TMEFF2: variants seen among roughly 807,000 people sequenced by gnomAD.
The protein encoded by TMEFF2 is transmembrane protein with EGF like and two follistatin like domains 2.
Under a neutral mutation model 53.8 loss-of-function variants are expected in TMEFF2, and 28 were observed. The observed-to-expected ratio is 0.52, with a 90% CI of 0.39 to 0.71. The LOEUF (loss-of-function observed/expected upper bound fraction) is 0.71. Among genes scored for constraint, TMEFF2 ranks in the 30% least tolerant of loss-of-function variants. The pLI is 0.00. For synonymous variants in TMEFF2, 162 were observed against 166.3 expected (o/e 0.97, Z 0.20); for missense variants, 353 against 455.2 (o/e 0.78, Z 2.04).
intron 7 of TMEFF2, among the ~76,000 whole-genome samples, chr2:191,957,867 C>T (rs760556959): frequency 1.8e-4 from 27 of 152,118 alleles, no homozygotes; most frequent in African/African-American, 3.1e-4. Context: ...ATTTGCACAT[C>T]GATAGCAGCT....
chr2:192,079,865 T>C lies in TMEFF2; in HGVS notation c.440-22090A>G, dbSNP rs553875891. On this transcript the variant is annotated intron_variant, in intron 4 of 9. Coordinates refer to ENST00000272771, the MANE Select transcript of TMEFF2 (RefSeq NM_016192.4). ...TACAGCCTAGGAAGATAGAAAAATA[T>C]GTAAGCTTGAGTACCATGATACATG... Among the ~76,000 whole-genome samples, 6 of 152,316 alleles carry C rather than the reference T, an allele frequency of 3.9e-5. No homozygotes were observed. The South Asian group carries it at 1.0e-3, about 26-fold the overall frequency.
chr2:192,096,675 T>C (rs1211120069), intron 4 of TMEFF2, among the ~76,000 whole-genome samples: 6 of 138,410 alleles, frequency 4.3e-5, no homozygotes, highest in East Asian at 4.3e-4. Flanking sequence ...TCTCTCTTTT[T>C]TTTTTTTTTT....
chr2:192,067,325 TCTC>T (rs757220327), intron 4 of TMEFF2, among the ~76,000 whole-genome samples: 3 of 151,726 alleles, frequency 2.0e-5, no homozygotes, highest in South Asian at 4.2e-4. Flanking sequence ...GACCATGTCT[TCTC>T]CTGGAGGAAG....
chr2:192,124,604 T>C (rs1333368908), intron 4 of TMEFF2, among the ~76,000 whole-genome samples: 1 of 152,170 alleles, frequency 6.6e-6, no homozygotes, highest in Non-Finnish European at 1.5e-5. Context: ...ATGGATAAGA[T>C]CAGCAATTAT....
chr2:192,034,617 C>T (rs368049356), intron 5 of TMEFF2: 96 of 152,304 alleles, frequency 6.3e-4, no homozygotes, highest in African/African-American at 2.3e-3. Context: ...ATTTTACTCT[C>T]TCCTGTTTAT....
At chr2:192,165,599 T>C (rs543203586) in intron 4 of TMEFF2, among the ~76,000 whole-genome samples, 1 of 152,288 alleles carries the variant, frequency 6.6e-6, no homozygotes, top group East Asian at 1.9e-4. Flanking sequence ...TCAGTGTTTC[T>C]ATAATTACCC....
chr2:192,057,737 A>T lies in TMEFF2; in HGVS notation c.478T>A (p.Ser160Thr). ...CCAAACTGGCAAATATCACAGGTGGATGTCTCCTTTTGACTAGTTTCTCCA... is the reference window on the plus strand; with the variant it reads ...CCAAACTGGCAAATATCACAGGTGGTTGTCTCCTTTTGACTAGTTTCTCCA... ...GSGETSQKET[S>T]TCDICQFGAE... Residue 160 changes from serine to threonine, a missense_variant, in exon 5 of 10, where the codon TCC (serine) becomes ACC (threonine). Ser to Thr is a moderately conservative substitution (Grantham distance 58). Coordinates refer to ENST00000272771, the MANE Select transcript of TMEFF2 (RefSeq NM_016192.4). 1 of 1,614,092 alleles carries T rather than the reference A, an allele frequency of 6.2e-7. No individual in the cohort carries two copies. Among genetic ancestry groups the T allele is most frequent in the Non-Finnish European group, 8.5e-7 (1 of 1,179,942 alleles).
intron 5 of TMEFF2, among the ~76,000 whole-genome samples, chr2:192,039,977 C>T (rs1037522645): frequency 5.9e-5 from 9 of 151,918 alleles, no homozygotes; most frequent in African/African-American, 2.2e-4. Context: ...AAAGAATCAC[C>T]TACAATTTTA....
rs144197709 is a variant in TMEFF2 at position 192,162,166 on chromosome 2, G to A, written c.439+17502C>T. On this transcript the variant is annotated intron_variant, in intron 4 of 9. Coordinates refer to ENST00000272771, the MANE Select transcript of TMEFF2 (RefSeq NM_016192.4). Reference sequence around the variant, plus strand: ...ATGACCCCAAAGTAAACTTACTTAGGAGACACTTACCAGAAAAACAAGTTG... The same window carrying A: ...ATGACCCCAAAGTAAACTTACTTAGAAGACACTTACCAGAAAAACAAGTTG... Among the ~76,000 whole-genome samples the A allele has an allele frequency of 3.3e-3, 500 of 152,172 alleles. 2 individuals carry two copies. Among genetic ancestry groups the A allele is most frequent in the Middle Eastern group, 0.01 (3 of 294 alleles).
intron 4 of TMEFF2, among the ~76,000 whole-genome samples, chr2:192,099,637 A>ACAGAAGTTG (rs1474665019): frequency 2.6e-5 from 4 of 152,190 alleles, no homozygotes; most frequent in African/African-American, 9.7e-5. Context: ...CCCACAACTT[A>ACAGAAGTTG]CAGAAGTTGG....
chr2:192,001,052 C>T (rs4241286), intron 5 of TMEFF2, among the ~76,000 whole-genome samples: 112,369 of 152,078 alleles, frequency 0.74, 41,673 homozygotes, highest in East Asian at 0.91. Flanking sequence ...ATAAGTGACT[C>T]TGTAGGCCAA....
intron 4 of TMEFF2, among the ~76,000 whole-genome samples, chr2:192,121,373 A>C (rs750965286): frequency 4.3e-4 from 66 of 152,128 alleles, no homozygotes; most frequent in Non-Finnish European, 6.6e-4. Context: ...GTCACTTTGT[A>C]CATAAAGAGC....
intron 9 of TMEFF2, among the ~76,000 whole-genome samples, chr2:191,951,602 A>T (rs563402251): frequency 3.4e-4 from 51 of 152,124 alleles, no homozygotes; most frequent in African/African-American, 1.2e-3. Context: ...TGACAGACAA[A>T]TGTGGCCAGG....
intron 5 of TMEFF2, among the ~76,000 whole-genome samples, chr2:192,032,906 C>T (rs182537488): frequency 6.6e-6 from 1 of 152,224 alleles, no homozygotes; most frequent in African/African-American, 2.4e-5. Context: ...GTTTTTTTCT[C>T]TAACAACAAC....
At chr2:192,046,055 C>T (rs78042254) in intron 5 of TMEFF2, among the ~76,000 whole-genome samples, 2,876 of 152,242 alleles carry the variant, frequency 0.019, 87 homozygotes, top group African/African-American at 0.064. Flanking sequence ...TCCTGCCATC[C>T]TATAGCTGCT....
intron 7 of TMEFF2, among the ~76,000 whole-genome samples, chr2:191,958,085 C>T (rs1277360187): frequency 1.3e-5 from 2 of 152,122 alleles, no homozygotes; most frequent in African/African-American, 2.4e-5. Flanking sequence ...AAAATGGAAG[C>T]GGGGCAGTTC....
chr2:192,081,157 T>TA (rs1185413128), intron 4 of TMEFF2, among the ~76,000 whole-genome samples: 1 of 152,230 alleles, frequency 6.6e-6, no homozygotes, highest in Non-Finnish European at 1.5e-5. Flanking sequence ...AGCAAAGTGA[T>TA]ACGCTTTGTT....
intron 4 of TMEFF2, among the ~76,000 whole-genome samples, chr2:192,148,579 C>T (rs1232817416): frequency 1.3e-5 from 2 of 150,530 alleles, no homozygotes; most frequent in African/African-American, 4.8e-5. Context: ...TCAGAAGGCC[C>T]TTAAACTGTT....
intron 4 of TMEFF2, among the ~76,000 whole-genome samples, chr2:192,138,426 T>A (rs1402545570): frequency 6.6e-6 from 1 of 152,194 alleles, no homozygotes; most frequent in East Asian, 1.9e-4. Flanking sequence ...AGAAGGAGAA[T>A]TATCTCAAGG....
Sources: gnomAD v4.1 joint callset for allele counts (sites outside exome capture counted in the v4.1 genomes callset) on GRCh38, gnomAD v4.1.1 for gene constraint, MANE v1.5 for transcripts, NCBI Gene and HGNC (gene_info 2026-07-23, HGNC 2026-07-21) for gene names.